The following GPC5 variants were observed in gnomAD, a reference collection of about 807,000 sequenced individuals.
GPC5 encodes glypican 5.
A neutral mutation model predicts 53.9 loss-of-function variants in GPC5; 47 were observed. The observed-to-expected ratio is 0.87, with a 90% CI of 0.69 to 1.11. The LOEUF is 1.11. Ranked by LOEUF, GPC5 falls within the 50% of genes most tolerant of loss-of-function variation. The pLI, the probability that GPC5 is intolerant of heterozygous loss-of-function variation, is 0.00. For missense variants in GPC5, 748 were observed against 713.1 expected (o/e 1.05, Z -0.56); for synonymous variants, 286 against 263.3 (o/e 1.09, Z -0.84).
intron 6 of GPC5, among the ~76,000 whole-genome samples, chr13:92,071,673 T>C (rs1015114037): frequency 6.6e-6 from 1 of 151,960 alleles, no homozygotes; most frequent in Non-Finnish European, 1.5e-5. Flanking sequence ...CTGCTAAATT[T>C]CTTTGAGTAT....
chr13:92,467,526 T>C (rs1878744414), intron 7 of GPC5, among the ~76,000 whole-genome samples: 1 of 152,138 alleles, frequency 6.6e-6, no homozygotes, highest in Non-Finnish European at 1.5e-5. Flanking sequence ...GTTCTACACA[T>C]TTTTGTGCAT....
chr13:92,041,903 C>T (rs2040944641), intron 6 of GPC5, among the ~76,000 whole-genome samples: 1 of 152,146 alleles, frequency 6.6e-6, no homozygotes, highest in Non-Finnish European at 1.5e-5. Flanking sequence ...GGGGAAGTGG[C>T]TAGGAGAGGA....
At chr13:92,513,195 T>G (rs536576667) in intron 7 of GPC5, among the ~76,000 whole-genome samples, 1 of 152,316 alleles carries the variant, frequency 6.6e-6, no homozygotes, top group Middle Eastern at 3.4e-3. Context: ...CGCCTTTTCC[T>G]GTAGTGAAAA....
intron 2 of GPC5, among the ~76,000 whole-genome samples, chr13:91,560,299 T>G (rs1566504910): frequency 6.6e-6 from 1 of 152,156 alleles, no homozygotes; most frequent in Non-Finnish European, 1.5e-5. Context: ...GGGAAATACA[T>G]TGGTGAGGAT....
chr13:92,037,623 A>G (rs1322355976), intron 6 of GPC5, among the ~76,000 whole-genome samples: 1 of 152,208 alleles, frequency 6.6e-6, no homozygotes, highest in Non-Finnish European at 1.5e-5. Context: ...GCTAGGGCCT[A>G]GAATAGTGCC....
intron 2 of GPC5, among the ~76,000 whole-genome samples, chr13:91,508,391 G>A (rs1190245001): frequency 6.6e-6 from 1 of 152,172 alleles, no homozygotes; most frequent in Non-Finnish European, 1.5e-5. Context: ...ACGAATAGTG[G>A]CAATTATGGC....
At chr13:92,062,444 G>A (rs1349187546) in intron 6 of GPC5, among the ~76,000 whole-genome samples, 4 of 151,860 alleles carry the variant, frequency 2.6e-5, no homozygotes, top group Non-Finnish European at 4.4e-5. Context: ...TTTACACAAA[G>A]TTTGGCTATT....
rs573041668 is a variant in GPC5, at chr13:92,146,717, C to T, written c.1561+1728C>T. Among the ~76,000 whole-genome samples, 5 of 152,194 alleles carry T rather than the reference C, an allele frequency of 3.3e-5. No homozygotes were observed. The East Asian group carries it at 5.8e-4, about 18-fold the overall frequency. On this transcript the variant is annotated intron_variant, in intron 7 of 7. Transcript: ENST00000377067. Reference sequence around the variant, plus strand: ...CCATTGTATCATTCTTATGCCTTTGCATCCTCATAGCTTAGGTCCCACTAT... The same window carrying T: ...CCATTGTATCATTCTTATGCCTTTGTATCCTCATAGCTTAGGTCCCACTAT...
chr13:91,772,559 A>T (rs1482561335), intron 5 of GPC5, among the ~76,000 whole-genome samples: 4 of 152,156 alleles, frequency 2.6e-5, no homozygotes, highest in Non-Finnish European at 5.9e-5. Flanking sequence ...CATCTAATTA[A>T]TTTGTCAAGA....
At chr13:91,625,081 AG>A (rs374688606) in intron 2 of GPC5, among the ~76,000 whole-genome samples, 77 of 152,122 alleles carry the variant, frequency 5.1e-4, no homozygotes, top group African/African-American at 1.9e-3. Flanking sequence ...TGTGTATTCA[AG>A]AAAATCAATA....
At chr13:91,704,027 A>G (rs1217139628) in intron 3 of GPC5, among the ~76,000 whole-genome samples, 1 of 152,120 alleles carries the variant, frequency 6.6e-6, no homozygotes, top group Non-Finnish European at 1.5e-5. Context: ...GTTCAAAATT[A>G]ATGTTTCCTT....
rs1300404683 is a variant in GPC5 at position 92,404,916 on chromosome 13, A to C, written c.1561+259927A>C. 4.0e-5 allele frequency among the ~76,000 whole-genome samples: 6 copies of C among 150,362 alleles called. 1 individual carries two copies. The highest frequency in any genetic ancestry group is 3.3e-4 in the Admixed American group (5 of 14,926). On this transcript the variant is annotated intron_variant, in intron 7 of 7. Transcript: ENST00000377067. ...GTAAATGTATAGACAATCCTCACTT[A>C]ACATTGTCAATAGGTTCTTGGAAAC...
chr13:92,220,868 TG>T (rs1485445430), intron 7 of GPC5, among the ~76,000 whole-genome samples: 2 of 152,180 alleles, frequency 1.3e-5, no homozygotes, highest in Admixed American at 1.3e-4. Context: ...TCTGTTTACA[TG>T]GGTTTTTGAT....
intron 7 of GPC5, among the ~76,000 whole-genome samples, chr13:92,500,122 A>G (rs1880127174): frequency 6.6e-6 from 1 of 152,172 alleles, no homozygotes; most frequent in South Asian, 2.1e-4. Flanking sequence ...GCATGGACAT[A>G]AGGAACACCA....
At chr13:92,767,037 C>T (rs1176865355) in intron 7 of GPC5, among the ~76,000 whole-genome samples, 2 of 152,124 alleles carry the variant, frequency 1.3e-5, no homozygotes, top group East Asian at 1.9e-4. Flanking sequence ...TTGTGGGTCT[C>T]GTGCACTTGT....
intron 2 of GPC5, among the ~76,000 whole-genome samples, chr13:91,623,218 T>C (rs904965791): frequency 6.6e-6 from 1 of 152,134 alleles, no homozygotes; most frequent in Non-Finnish European, 1.5e-5. Context: ...GAAAACTTAA[T>C]AATCTAGAGC....
At chr13:92,495,142 G>A (rs546331425) in intron 7 of GPC5, among the ~76,000 whole-genome samples, 1 of 152,250 alleles carries the variant, frequency 6.6e-6, no homozygotes, top group South Asian at 2.1e-4. Flanking sequence ...CTCTCAGCAC[G>A]CTGAAAATAA....
intron 7 of GPC5, among the ~76,000 whole-genome samples, chr13:92,715,836 GT>G (rs1263929666): frequency 6.6e-6 from 1 of 152,102 alleles, no homozygotes; most frequent in Non-Finnish European, 1.5e-5. Flanking sequence ...CAACAAACAT[GT>G]TTTCTGTCTA....
chr13:92,269,168 T>A (rs2042823080), intron 7 of GPC5, among the ~76,000 whole-genome samples: 1 of 152,106 alleles, frequency 6.6e-6, no homozygotes, highest in African/African-American at 2.4e-5. Flanking sequence ...ATAAACCTTA[T>A]TTTTCTAATT....
Sources: gnomAD v4.1 joint callset for allele counts (sites outside exome capture counted in the v4.1 genomes callset) on GRCh38, gnomAD v4.1.1 for gene constraint, MANE v1.5 for transcripts, NCBI Gene and HGNC (gene_info 2026-07-23, HGNC 2026-07-21) for gene names.